RAB3GAP2: variants seen among roughly 807,000 people sequenced by gnomAD.
The protein encoded by RAB3GAP2 is rab3 GTPase-activating protein non-catalytic subunit.
RAB3GAP2 carries 87 observed loss-of-function variants against 185.3 expected under a neutral mutation model. That is an observed-to-expected ratio of 0.47 (90% CI 0.39 to 0.56). The LOEUF is 0.56. Ranked by LOEUF, RAB3GAP2 falls within the 20% of genes least tolerant of loss-of-function variation. The probability of loss-of-function intolerance (pLI) is 0.00; values close to 1 mark genes in which losing one functional copy is unlikely to be tolerated. For synonymous variants in RAB3GAP2, 554 were observed against 576.1 expected (o/e 0.96, Z 0.55); for missense variants, 1,492 against 1,638.2 (o/e 0.91, Z 1.54).
intron 21 of RAB3GAP2, among the ~76,000 whole-genome samples, chr1:220,180,419 A>C (rs750652854): frequency 6.6e-6 from 1 of 152,176 alleles, no homozygotes; most frequent in Non-Finnish European, 1.5e-5. Flanking sequence ...AAGCAAAGAG[A>C]AAAGACTCAA....
At chr1:220,267,914 C>T (rs144387868) in intron 1 of RAB3GAP2, 17 of 730,690 alleles carry the variant, frequency 2.3e-5, no homozygotes, top group East Asian at 2.2e-4. Flanking sequence ...CAGATTGGTC[C>T]GTGATGCCTA....
At chr1:220,245,621 AG>A (rs1167967314) in intron 1 of RAB3GAP2, among the ~76,000 whole-genome samples, 1 of 152,006 alleles carries the variant, frequency 6.6e-6, no homozygotes, top group Non-Finnish European at 1.5e-5. Context: ...AGGCTTGCTT[AG>A]GTAAACAAAG....
At chr1:220,178,159 A>G (rs1451525462) in intron 21 of RAB3GAP2, among the ~76,000 whole-genome samples, 3 of 152,186 alleles carry the variant, frequency 2.0e-5, no homozygotes, top group Non-Finnish European at 4.4e-5. Context: ...GTGTTAAAGG[A>G]AAAAAACTGC....
In RAB3GAP2 at chr1:220,148,956, G is replaced by A. The variant is rs532435015; in HGVS notation, c.*2295C>T. 1 of 152,262 alleles carries A rather than the reference G, an allele frequency of 6.6e-6. No individual in the cohort carries two copies. The highest frequency in any genetic ancestry group is 2.4e-5 in the African/African-American group (1 of 41,566). The allele number at this position is 152,262 out of a possible 1,614,324, so 9.4% of individuals were successfully genotyped here. On this transcript the variant is annotated 3_prime_UTR_variant, in exon 35 of 35. Coordinates refer to ENST00000358951, the MANE Select transcript of RAB3GAP2 (RefSeq NM_012414.4). ...TTAATGTTTGTTAATGAAGAAAGTT[G>A]TGTGAGGGTGGGCATATATCTAGGA...
intron 30 of RAB3GAP2, 54 bp downstream of exon 30, chr1:220,157,748 C>T: frequency 7.0e-7 from 1 of 1,426,626 alleles, no homozygotes; most frequent in Non-Finnish European, 9.9e-7. Flanking sequence ...CAATGGTTTG[C>T]AGAATATGTA....
At chr1:220,157,647 T>G (rs1657883371) in intron 30 of RAB3GAP2, among the ~76,000 whole-genome samples, 155 bp downstream of exon 30, 1 of 152,228 alleles carries the variant, frequency 6.6e-6, no homozygotes, top group Non-Finnish European at 1.5e-5. Flanking sequence ...AAGAATTTAA[T>G]AAGAAAACAT....
At chr1:220,268,438 A>T (rs931416486) in intron 1 of RAB3GAP2, among the ~76,000 whole-genome samples, 7 of 152,220 alleles carry the variant, frequency 4.6e-5, no homozygotes, top group African/African-American at 1.7e-4. Context: ...ACAGTCTCTC[A>T]TATTTGCTGC....
intron 17 of RAB3GAP2, among the ~76,000 whole-genome samples, chr1:220,187,281 T>C (rs1369662662): frequency 1.3e-5 from 2 of 152,194 alleles, no homozygotes; most frequent in Non-Finnish European, 2.9e-5. Context: ...TCCTAGTTCA[T>C]CAGTCAGAGC....
In RAB3GAP2 at chr1:220,253,987, G is replaced by A. The variant is rs1427862682; in HGVS notation, c.115+18236C>T. 7 of 1,613,790 alleles carry A rather than the reference G, an allele frequency of 4.3e-6. No homozygotes were observed. In the Admixed American group the frequency reaches 1.2e-4, roughly 27 times the overall value. On this transcript the variant is annotated intron_variant, in intron 1 of 34. Transcript: ENST00000358951. The stretch of plus-strand genomic sequence containing the variant: ...GCCTCCTTGGAAGAAAAGGGCCCGG[G>A]TAGATCCTACTGTTGAAAATGAGGA...
At chr1:220,187,939 T>C (rs1048819848) in intron 17 of RAB3GAP2, among the ~76,000 whole-genome samples, 2 of 152,116 alleles carry the variant, frequency 1.3e-5, no homozygotes, top group African/African-American at 2.4e-5. Context: ...CAACTACTTG[T>C]GACTGGTACC....
intron 1 of RAB3GAP2, among the ~76,000 whole-genome samples, chr1:220,249,802 G>T (rs2102521154): frequency 6.6e-6 from 1 of 152,346 alleles, no homozygotes; most frequent in East Asian, 1.9e-4. Context: ...TTAGGCCATT[G>T]CTTCAGAGGG....
Position 220,272,170 on chromosome 1 carries a change from G to T in RAB3GAP2, c.115+53C>A, listed in dbSNP as rs536862199. ...GCGAGTAGGAGACTCGAACCCGTGA[G>T]CAGAGGCCGCGGGTGACGAGGGAAG... On this transcript the variant is annotated intron_variant, in intron 1 of 34. Coordinates refer to ENST00000358951, the MANE Select transcript of RAB3GAP2 (RefSeq NM_012414.4). The T allele has an allele frequency of 8.9e-6, 13 of 1,456,764 alleles. No homozygotes were observed. In the East Asian group the frequency reaches 2.8e-4, roughly 32 times the overall value. 90.2% of individuals were successfully genotyped at this position (1,456,764 alleles called of 1,614,324 possible). A position where few individuals can be genotyped will look rare whatever the true frequency, so the allele number is the denominator to read the frequency against.
At chr1:220,227,101 C>T (rs1369239371) in intron 2 of RAB3GAP2, among the ~76,000 whole-genome samples, 1 of 152,160 alleles carries the variant, frequency 6.6e-6, no homozygotes, top group Non-Finnish European at 1.5e-5. Context: ...GTTTAAGTCA[C>T]CTAGCGTGTG....
intron 1 of RAB3GAP2, among the ~76,000 whole-genome samples, chr1:220,258,519 T>C (rs993290860): frequency 1.7e-4 from 26 of 152,206 alleles, no homozygotes; most frequent in Admixed American, 9.2e-4. Context: ...AGAAAAGGCC[T>C]TTGATAAAAT....
In RAB3GAP2 at chr1:220,158,655, G is replaced by C. The variant is rs1461255584; in HGVS notation, c.3261+731C>G. Among the ~76,000 whole-genome samples, 6 of 152,006 alleles carry C rather than the reference G, an allele frequency of 3.9e-5. No homozygotes were observed. The highest frequency in any genetic ancestry group is 1.5e-4 in the African/African-American group (6 of 41,374). On this transcript the variant is annotated intron_variant, in intron 29 of 34. Transcript: ENST00000358951. The surrounding 1 kb of genome is among the most constrained non-coding windows in gnomAD (Gnocchi z 4.3). ...GGGGTTTCACCTTGTTGGTCAGGCTGGTCTCAAACTCCTGACCTCAGGTGA... is the reference window on the plus strand; with the variant it reads ...GGGGTTTCACCTTGTTGGTCAGGCTCGTCTCAAACTCCTGACCTCAGGTGA...
At chr1:220,208,043 T>C (rs1659002573) in intron 7 of RAB3GAP2, 1 of 152,204 alleles carries the variant, frequency 6.6e-6, no homozygotes, top group Non-Finnish European at 1.5e-5. Flanking sequence ...TCCAGAGCTG[T>C]TTAACGTAGC....
intron 1 of RAB3GAP2, among the ~76,000 whole-genome samples, chr1:220,259,185 C>T (rs1425643327): frequency 6.6e-6 from 1 of 152,020 alleles, no homozygotes; most frequent in African/African-American, 2.4e-5. Flanking sequence ...ATGCTATTCC[C>T]ATTAAACTAC....
chr1:220,210,247 A>G (rs1202735255), intron 7 of RAB3GAP2, 141 bp downstream of exon 7: 2 of 752,366 alleles, frequency 2.7e-6, no homozygotes, highest in African/African-American at 1.7e-5. Context: ...CAAATAGATT[A>G]TATTTCTAGA....
chr1:220,149,382 A>G lies in RAB3GAP2; in HGVS notation c.*1869T>C, dbSNP rs2102847245. The G allele has an allele frequency of 6.6e-6, 1 of 152,244 alleles. No individual in the cohort carries two copies. The highest frequency in any genetic ancestry group is 1.9e-4 in the East Asian group (1 of 5,178). The allele number at this position is 152,244 out of a possible 1,614,324, so 9.4% of individuals were successfully genotyped here. A position where few individuals can be genotyped will look rare whatever the true frequency, so the allele number is the denominator to read the frequency against. On this transcript the variant is annotated 3_prime_UTR_variant, in exon 35 of 35. Coordinates refer to ENST00000358951, the MANE Select transcript of RAB3GAP2 (RefSeq NM_012414.4). ...TACCAGAGTAAGCTTAACCAGTTTT[A>G]TTATCTAAAATGCTTAATAAGTGCC...
Sources: allele counts gnomAD v4.1 joint callset (sites outside exome capture counted in the v4.1 genomes callset), GRCh38; gene constraint gnomAD v4.1.1; non-coding constraint Gnocchi (gnomAD v3.1); transcripts MANE v1.5; gene names NCBI Gene and HGNC (gene_info 2026-07-23, HGNC 2026-07-21).